SPAG16: variants seen among roughly 807,000 people sequenced by gnomAD.
The protein encoded by SPAG16 is sperm-associated antigen 16 protein.
In SPAG16, 86 loss-of-function variants were observed where a neutral mutation model predicts 80.4. The observed-to-expected ratio is 1.07, with a 90% CI of 0.90 to 1.28. The LOEUF (loss-of-function observed/expected upper bound fraction) is 1.28. Among genes scored for constraint, SPAG16 ranks in the 50% most tolerant of loss-of-function variants. The probability of loss-of-function intolerance (pLI) is 0.00; values close to 1 mark genes in which losing one functional copy is unlikely to be tolerated. For missense variants in SPAG16, 870 were observed against 765.3 expected (o/e 1.14, Z -1.61); for synonymous variants, 294 against 265.9 (o/e 1.11, Z -1.03).
rs2077265676 is a variant in SPAG16, at chr2:213,902,649, C to G, written c.1215-27311C>G. 2.0e-5 allele frequency among the ~76,000 whole-genome samples: 3 copies of G among 152,164 alleles called. 1 individual carries two copies. The South Asian group carries it at 6.2e-4, about 32-fold the overall frequency. ...GTGGGGACACACAGCCAAACCATAT[C>G]ACTCTACCCCTGGCTCCTCCAAATC... On this transcript the variant is annotated intron_variant, in intron 11 of 15. Coordinates refer to ENST00000331683, the MANE Select transcript of SPAG16 (RefSeq NM_024532.5).
At chr2:213,642,802 C>T (rs2062642305) in intron 10 of SPAG16, among the ~76,000 whole-genome samples, 1 of 10,312 alleles carries the variant, frequency 9.7e-5, no homozygotes, top group Non-Finnish European at 1.6e-4. Context: ...GCCTGGGCGA[C>T]AGAGCGAGAC....
chr2:214,046,100 A>G (rs2049307291), intron 13 of SPAG16, among the ~76,000 whole-genome samples: 2 of 152,132 alleles, frequency 1.3e-5, no homozygotes, highest in Non-Finnish European at 2.9e-5. Flanking sequence ...GAAAACCTAG[A>G]AAAAAATGGA....
At chr2:213,705,091 AAAAAAAC>A (rs1316372784) in intron 10 of SPAG16, among the ~76,000 whole-genome samples, 2 of 152,000 alleles carry the variant, frequency 1.3e-5, no homozygotes, top group Admixed American at 6.6e-5. Flanking sequence ...TCCCTACTAA[AAAAAAAC>A]AAAAAACAAA....
chr2:214,349,855 G>A (rs1007717684), intron 15 of SPAG16, among the ~76,000 whole-genome samples: 6 of 152,072 alleles, frequency 3.9e-5, no homozygotes, highest in African/African-American at 7.2e-5. Flanking sequence ...TCATGTGCTC[G>A]TTGAGCATTT....
intron 15 of SPAG16, among the ~76,000 whole-genome samples, chr2:214,343,650 A>ACTT (rs1175738880): frequency 6.6e-6 from 1 of 152,136 alleles, no homozygotes; most frequent in Non-Finnish European, 1.5e-5. Flanking sequence ...ACTAAGACAA[A>ACTT]CTTAGACACA....
intron 8 of SPAG16, among the ~76,000 whole-genome samples, chr2:213,368,595 T>C (rs1485070209): frequency 6.6e-6 from 1 of 152,088 alleles, no homozygotes; most frequent in African/African-American, 2.4e-5. Flanking sequence ...AAATAAAGGG[T>C]ATTCAGTTAG....
chr2:213,946,328 T>A (rs1015143337), intron 12 of SPAG16, among the ~76,000 whole-genome samples: 2 of 151,978 alleles, frequency 1.3e-5, no homozygotes, highest in Admixed American at 6.6e-5. Context: ...TTGGCCAGGC[T>A]GGTCTTGAAC....
chr2:213,520,982 T>G (rs531814768), intron 10 of SPAG16, among the ~76,000 whole-genome samples: 1 of 152,152 alleles, frequency 6.6e-6, no homozygotes, highest in Non-Finnish European at 1.5e-5. Context: ...TGCCAGGGGA[T>G]GTCTGGGGCT....
chr2:213,945,583 T>C (rs2079416185), intron 12 of SPAG16, among the ~76,000 whole-genome samples: 1 of 152,114 alleles, frequency 6.6e-6, no homozygotes, highest in African/African-American at 2.4e-5. Context: ...GATTAGATGG[T>C]GCTCACCAGA....
chr2:213,314,119 C>T (rs2063311161), intron 4 of SPAG16, among the ~76,000 whole-genome samples: 1 of 151,724 alleles, frequency 6.6e-6, no homozygotes, highest in African/African-American at 2.4e-5. Context: ...GTTATGTGGA[C>T]AAAATTTTAT....
At position 213,877,952 on chromosome 2, in the gene SPAG16, G is replaced by T. The variant is rs549237781; in HGVS notation, c.1214+15324G>T. 1.1e-3 allele frequency among the ~76,000 whole-genome samples: 165 copies of T among 152,214 alleles called. 1 individual carries two copies. The highest frequency in any genetic ancestry group is 3.4e-3 in the Middle Eastern group (1 of 294). Reference sequence around the variant, plus strand: ...TGGAAAGACAAAAGTGATACTCAGTGTATCATTCATGACCCTCCATAGATT... The same window carrying T: ...TGGAAAGACAAAAGTGATACTCAGTTTATCATTCATGACCCTCCATAGATT... On this transcript the variant is annotated intron_variant, in intron 11 of 15. Coordinates refer to ENST00000331683, the MANE Select transcript of SPAG16 (RefSeq NM_024532.5).
intron 15 of SPAG16, among the ~76,000 whole-genome samples, chr2:214,400,189 C>T (rs1204703322): frequency 1.3e-5 from 2 of 151,986 alleles, no homozygotes; most frequent in Non-Finnish European, 2.9e-5. Context: ...GCCAAAAGTT[C>T]TGTTCCTAGC....
At chr2:213,977,349 CTTA>C (rs906256275) in intron 12 of SPAG16, among the ~76,000 whole-genome samples, 2 of 151,954 alleles carry the variant, frequency 1.3e-5, no homozygotes, top group African/African-American at 4.8e-5. Flanking sequence ...AGTGTAGGCA[CTTA>C]AATACAGTTC....
rs7560655 is a variant in SPAG16 at position 213,865,155 on chromosome 2, T to G, written c.1214+2527T>G. Among the ~76,000 whole-genome samples, 1,157 of 152,146 alleles carry G rather than the reference T, an allele frequency of 7.6e-3. 11 individuals carry two copies. The highest frequency in any genetic ancestry group is 0.026 in the African/African-American group (1,082 of 41,576). On this transcript the variant is annotated intron_variant, in intron 11 of 15. Coordinates refer to ENST00000331683, the MANE Select transcript of SPAG16 (RefSeq NM_024532.5). ...GTATAATTAACAGTATATATTTACC[T>G]CTGTACAAGGAGAGAATATAAATTT... is the stretch of plus-strand genomic sequence containing the variant.
intron 15 of SPAG16, among the ~76,000 whole-genome samples, chr2:214,169,790 G>A (rs2372228): frequency 0.24 from 36,385 of 151,886 alleles, 4,865 homozygotes; most frequent in Middle Eastern, 0.32. Flanking sequence ...TAAAGCGTTT[G>A]AGCCTGGATT....
At chr2:214,063,858 T>G (rs962383477) in intron 13 of SPAG16, among the ~76,000 whole-genome samples, 6 of 152,228 alleles carry the variant, frequency 3.9e-5, no homozygotes, top group Non-Finnish European at 8.8e-5. Context: ...GTTTATTATC[T>G]ATCTCTCCTC....
chr2:213,360,990 T>C (rs1026683542), intron 7 of SPAG16, among the ~76,000 whole-genome samples: 4 of 152,156 alleles, frequency 2.6e-5, no homozygotes, highest in Admixed American at 2.0e-4. Flanking sequence ...TTTAGCTTAC[T>C]GTGTTTCTCC....
intron 11 of SPAG16, among the ~76,000 whole-genome samples, chr2:213,927,631 T>A (rs2078544317): frequency 6.6e-6 from 1 of 152,238 alleles, no homozygotes; most frequent in Non-Finnish European, 1.5e-5. Context: ...ATATTTATTG[T>A]TGACTAAATA....
chr2:213,425,199 T>G (rs1337199855), intron 9 of SPAG16, among the ~76,000 whole-genome samples: 2 of 151,956 alleles, frequency 1.3e-5, no homozygotes, highest in Non-Finnish European at 2.9e-5. Context: ...GGTGGGCGCC[T>G]GTAGTCCCAG....
Sources: allele counts gnomAD v4.1 joint callset (sites outside exome capture counted in the v4.1 genomes callset), GRCh38; gene constraint gnomAD v4.1.1; transcripts MANE v1.5; gene names NCBI Gene and HGNC (gene_info 2026-07-23, HGNC 2026-07-21).